The following ZIM2 variants were observed in gnomAD, a reference collection of about 807,000 sequenced individuals.
The protein encoded by ZIM2 is zinc finger protein 656.
Under a neutral mutation model 38.6 loss-of-function variants are expected in ZIM2, and 14 were observed. The observed-to-expected ratio is 0.36, with a 90% CI of 0.24 to 0.57. The LOEUF (loss-of-function observed/expected upper bound fraction) is 0.57, where lower values mean the gene tolerates loss of function less well. Ranked by LOEUF, ZIM2 falls within the 20% of genes least tolerant of loss-of-function variation. ZIM2 has a pLI of 0.81. For missense variants in ZIM2, 680 were observed against 695.1 expected, an observed-to-expected ratio of 0.98 and a Z score of 0.24; for synonymous variants, 247 against 245.8, an observed-to-expected ratio of 1.00 and a Z score of -0.04.
At chr19:56,795,603 C>G (rs545711265) in intron 9 of ZIM2, among the ~76,000 whole-genome samples, 1 of 152,198 alleles carries the variant, frequency 6.6e-6, no homozygotes, top group Non-Finnish European at 1.5e-5. Flanking sequence ...TGGCCAAGTG[C>G]CCTGTGAGAC....
In ZIM2 at chr19:56,837,315, C is replaced by T. The variant is rs61134832; in HGVS notation, c.-313-1211G>A. 9.0e-3 allele frequency among the ~76,000 whole-genome samples: 1,374 copies of T among 152,204 alleles called. 15 individuals carry two copies. The highest frequency in any genetic ancestry group is 0.031 in the African/African-American group (1,276 of 41,490). On this transcript the variant is annotated intron_variant, in intron 1 of 12. Coordinates refer to ENST00000629319, the MANE Select transcript of ZIM2 (RefSeq NM_001387356.1). ...TTCCCATGCACTGCCCCTCTCAGGA[C>T]CACCCGCAGCCCTGAATTTTTCCAC...
At chr19:56,787,244 A>C (rs2046656797) in intron 10 of ZIM2, among the ~76,000 whole-genome samples, 1 of 152,100 alleles carries the variant, frequency 6.6e-6, no homozygotes, top group African/African-American at 2.4e-5. Context: ...GTGAAGAACA[A>C]ATTTTGTTAT....
chr19:56,813,139 A>T (rs2059651910), intron 9 of ZIM2: 3 of 982,870 alleles, frequency 3.1e-6, no homozygotes, highest in Non-Finnish European at 3.6e-6. Flanking sequence ...ATGCACAATA[A>T]ATCTTTCTCA....
chr19:56,795,401 C>T (rs1169196482), intron 9 of ZIM2, among the ~76,000 whole-genome samples: 1 of 152,228 alleles, frequency 6.6e-6, no homozygotes, highest in Non-Finnish European at 1.5e-5. Context: ...CCCAGCCCCG[C>T]CCAGGCCCCT....
intron 9 of ZIM2, among the ~76,000 whole-genome samples, chr19:56,802,701 G>GA (rs1182335240): frequency 1.3e-5 from 2 of 152,144 alleles, no homozygotes; most frequent in East Asian, 3.9e-4. Context: ...CAAATGGCAG[G>GA]ATCCTCAGAC....
chr19:56,836,323 G>A (rs1403576261), intron 1 of ZIM2, among the ~76,000 whole-genome samples: 3 of 152,058 alleles, frequency 2.0e-5, no homozygotes, highest in Non-Finnish European at 4.4e-5. Context: ...CTCCAACAAG[G>A]TTACATCAAA....
intron 10 of ZIM2, among the ~76,000 whole-genome samples, chr19:56,788,119 G>C (rs2046724576): frequency 6.7e-6 from 1 of 150,068 alleles, no homozygotes; most frequent in African/African-American, 2.5e-5. Context: ...GTTCTGCTCT[G>C]ATCTTAGTTA....
At chr19:56,812,818 T>TA (rs11392622) in intron 9 of ZIM2, 464,607 of 861,902 alleles carry the variant, frequency 0.54, 50,613 homozygotes, top group Admixed American at 0.8. Context: ...TTGAGTTGGT[T>TA]AAAAAAAAAA....
At chr19:56,838,940 C>T (rs1435406058) in intron 1 of ZIM2, among the ~76,000 whole-genome samples, 6 of 152,182 alleles carry the variant, frequency 3.9e-5, no homozygotes, top group Admixed American at 6.5e-5. Context: ...TTGAACAGAC[C>T]GTCCCGCCCA....
chr19:56,828,244 C>A (rs1180218658), intron 2 of ZIM2, among the ~76,000 whole-genome samples: 1 of 152,142 alleles, frequency 6.6e-6, no homozygotes, highest in African/African-American at 2.4e-5. Context: ...TTAGCAGGTA[C>A]ATGAAAGTCA....
At chr19:56,796,354 GT>G (rs2047228621) in intron 9 of ZIM2, among the ~76,000 whole-genome samples, 1 of 152,202 alleles carries the variant, frequency 6.6e-6, no homozygotes, top group African/African-American at 2.4e-5. Flanking sequence ...GCAAATTTAA[GT>G]TGTGGTTTTT....
chr19:56,831,256 T>A (rs1223916355), intron 2 of ZIM2, among the ~76,000 whole-genome samples: 1 of 152,198 alleles, frequency 6.6e-6, no homozygotes, highest in Non-Finnish European at 1.5e-5. Flanking sequence ...GAGTCCAGAA[T>A]TCAACTGTGT....
At chr19:56,840,058 C>G (rs886347498) in intron 1 of ZIM2, among the ~76,000 whole-genome samples, 53 of 152,226 alleles carry the variant, frequency 3.5e-4, no homozygotes, top group African/African-American at 1.3e-3. Context: ...CCGGGCACGC[C>G]GGCGCCGCGA....
intron 12 of ZIM2, 36 bp downstream of exon 12, chr19:56,779,341 C>T (rs1018087934): frequency 1.9e-6 from 3 of 1,607,542 alleles, no homozygotes; most frequent in Non-Finnish European, 8.5e-7. Context: ...TACTGGTTCC[C>T]CCTCCTACAC....
intron 1 of ZIM2, among the ~76,000 whole-genome samples, chr19:56,838,121 G>A (rs1443406210): frequency 6.6e-6 from 1 of 152,184 alleles, no homozygotes; most frequent in Non-Finnish European, 1.5e-5. Context: ...GAGTGGGCGG[G>A]GCCATGCAGA....
At position 56,789,938 on chromosome 19, in the gene ZIM2, C is replaced by A; in HGVS notation, c.504G>T (p.Gln168His). The A allele has an allele frequency of 6.4e-7, 1 of 1,563,940 alleles. No homozygotes were observed. Among genetic ancestry groups the A allele is most frequent in the Non-Finnish European group, 8.7e-7 (1 of 1,146,120 alleles). The change falls in exon 10 of 13, where the codon CAG (glutamine) becomes CAT (histidine). Residue 168 changes from glutamine (Q) to histidine (H), a missense_variant. By Grantham distance (24) the Gln-to-His change is conservative. Coordinates refer to ENST00000629319, the MANE Select transcript of ZIM2 (RefSeq NM_001387356.1). ...TCCTCTTTTCTGCAGGGACAGAGTC[C>A]TGAGCAAGGAAACCTAGAAGGGAGA... ...YPSTSRGFLA[Q>H]DSVPAEKRNT...
intron 1 of ZIM2, among the ~76,000 whole-genome samples, 165 bp from the exon 2 acceptor site, chr19:56,836,269 C>T (rs1036418545): frequency 1.3e-5 from 2 of 152,098 alleles, no homozygotes; most frequent in Non-Finnish European, 2.9e-5. Context: ...ACGGGTATAG[C>T]TCCCTTAGAC....
intron 9 of ZIM2, chr19:56,816,563 A>C (rs1404927511): frequency 7.4e-6 from 12 of 1,614,066 alleles, no homozygotes; most frequent in Non-Finnish European, 1.0e-5. Flanking sequence ...TTACATTCGT[A>C]CATTTTCTCT....
chr19:56,798,953 T>C (rs1223703352), intron 9 of ZIM2: 1 of 151,882 alleles, frequency 6.6e-6, no homozygotes, highest in Non-Finnish European at 1.5e-5. Flanking sequence ...TACTTAAAGG[T>C]CAAAAAACAA....
Sources: gnomAD v4.1 joint callset for allele counts (sites outside exome capture counted in the v4.1 genomes callset) on GRCh38, gnomAD v4.1.1 for gene constraint, MANE v1.5 for transcripts, NCBI Gene and HGNC (gene_info 2026-07-23, HGNC 2026-07-21) for gene names.